The following AAK1 variants were observed in gnomAD, a reference collection of about 807,000 sequenced individuals.
The protein encoded by AAK1 is AP2-associated protein kinase 1.
In AAK1, 37 loss-of-function variants were observed where a neutral mutation model predicts 116.0. That is an observed-to-expected ratio of 0.32 (90% confidence interval 0.25 to 0.42). The LOEUF (loss-of-function observed/expected upper bound fraction) is 0.42, where lower values mean the gene tolerates loss of function less well. AAK1 is among the 10% of genes least tolerant of loss of function. The pLI is 1.00. For synonymous variants in AAK1, 458 were observed against 439.9 expected, an observed-to-expected ratio of 1.04 and a Z score of -0.51; for missense variants, 919 against 1,170.6, an observed-to-expected ratio of 0.79 and a Z score of 3.14.
In AAK1 at chr2:69,465,919, G is replaced by A; in HGVS notation, c.*9950C>T. 2 of 1,290,872 alleles carry A rather than the reference G, an allele frequency of 1.5e-6. No homozygotes were observed. The highest frequency in any genetic ancestry group is 2.0e-6 in the Non-Finnish European group (2 of 988,864). The allele number at this position is 1,290,872 out of a possible 1,614,324, so 80.0% of individuals were successfully genotyped here. A position where few individuals can be genotyped will look rare whatever the true frequency, so the allele number is the denominator to read the frequency against. On this transcript the variant is annotated 3_prime_UTR_variant, in exon 22 of 22. Coordinates refer to ENST00000409085, the MANE Select transcript of AAK1 (RefSeq NM_014911.5). Reference sequence around the variant, plus strand: ...CCTGTCTGACTGAGGAGACCGGTCTGTGCAGGCAGCTCCTGGGAGGTGCAT... The same window carrying A: ...CCTGTCTGACTGAGGAGACCGGTCTATGCAGGCAGCTCCTGGGAGGTGCAT...
intron 18 of AAK1, 85 bp from the exon 19 acceptor site, chr2:69,481,046 C>A (rs1385755894): frequency 2.6e-6 from 3 of 1,150,388 alleles, no homozygotes; most frequent in Non-Finnish European, 3.6e-6. Flanking sequence ...AAGCTTTCTT[C>A]TTTTTTTTTA....
At position 69,466,363 on chromosome 2, in the gene AAK1, C is replaced by T. The variant is rs1206867361; in HGVS notation, c.*9506G>A. ...CCTTCAAGGTCAGTCCCTTCCTCTT[C>T]GCTGCTGTGGAATGAGCTGTTGCTT... On this transcript the variant is annotated 3_prime_UTR_variant, in exon 22 of 22. Transcript: ENST00000409085. 1.6e-5 allele frequency: 21 copies of T among 1,289,806 alleles called. 1 individual carries two copies. In the East Asian group the frequency reaches 2.8e-4, roughly 17 times the overall value. The allele number at this position is 1,289,806 out of a possible 1,614,324, so 79.9% of individuals were successfully genotyped here.
intron 2 of AAK1, among the ~76,000 whole-genome samples, chr2:69,579,869 AT>A (rs1390628572): frequency 6.6e-6 from 1 of 152,174 alleles, no homozygotes; most frequent in Non-Finnish European, 1.5e-5. Flanking sequence ...AGACCCATAT[AT>A]TTGACTTTCT....
chr2:69,600,351 GA>G (rs200951978), intron 2 of AAK1, among the ~76,000 whole-genome samples: 9 of 148,198 alleles, frequency 6.1e-5, no homozygotes, highest in East Asian at 2.0e-4. Flanking sequence ...AAGGAAAAAG[GA>G]AAAAAAAATC....
In AAK1 at chr2:69,471,120, G is replaced by T. The variant is rs1162245524; in HGVS notation, c.*4749C>A. 1.0e-6 allele frequency: 1 copy of T among 985,612 alleles called. No homozygotes were observed. Among genetic ancestry groups the T allele is most frequent in the Non-Finnish European group, 1.2e-6 (1 of 829,936 alleles). The allele number at this position is 985,612 out of a possible 1,614,324, so 61.1% of individuals were successfully genotyped here. ...ACCTATGATAAACACACATCCACAT[G>T]ACAAAGGAGAGTGCAATAGGGCAGA... On this transcript the variant is annotated 3_prime_UTR_variant, in exon 22 of 22. Coordinates refer to ENST00000409085, the MANE Select transcript of AAK1 (RefSeq NM_014911.5).
intron 2 of AAK1, among the ~76,000 whole-genome samples, chr2:69,608,260 C>T (rs1030022736): frequency 6.6e-6 from 1 of 152,252 alleles, no homozygotes; most frequent in African/African-American, 2.4e-5. Context: ...CTTGAGCAGA[C>T]ATTCACCCAC....
intron 13 of AAK1, among the ~76,000 whole-genome samples, chr2:69,512,308 T>C (rs1442845074): frequency 6.6e-6 from 1 of 152,196 alleles, no homozygotes; most frequent in African/African-American, 2.4e-5. Flanking sequence ...ATACAATCCT[T>C]ATCTTTTTGG....
intron 2 of AAK1, among the ~76,000 whole-genome samples, chr2:69,624,281 C>T (rs1002029162): frequency 2.2e-4 from 34 of 152,130 alleles, no homozygotes; most frequent in African/African-American, 3.4e-4. Flanking sequence ...AAAAAAAATT[C>T]GTTGCAGCTG....
chr2:69,476,861 TC>T lies in AAK1; in HGVS notation c.2791+18del, dbSNP rs1454117308. 6.3e-7 allele frequency: 1 copy of T among 1,586,300 alleles called. No individual in the cohort carries two copies. Among genetic ancestry groups the T allele is most frequent in the Non-Finnish European group, 8.6e-7 (1 of 1,156,882 alleles). On this transcript the variant is annotated intron_variant, in intron 21 of 21. Coordinates refer to ENST00000409085, the MANE Select transcript of AAK1 (RefSeq NM_014911.5). ...GAACTGAGGCCAAGCTCTTCTCTTT[TC>T]CCCATCCTTTTTCTTACCTTGTGGG...
chr2:69,560,850 A>G (rs1019601699), intron 2 of AAK1, among the ~76,000 whole-genome samples: 7 of 152,242 alleles, frequency 4.6e-5, no homozygotes, highest in African/African-American at 1.7e-4. Flanking sequence ...GCATTCAATA[A>G]TGAACTAACT....
chr2:69,623,771 G>C (rs1461970726), intron 2 of AAK1, among the ~76,000 whole-genome samples: 1 of 151,608 alleles, frequency 6.6e-6, no homozygotes, highest in Non-Finnish European at 1.5e-5. Context: ...TCCAAGGATG[G>C]CTGCCAACAA....
At chr2:69,570,930 A>G (rs535867723) in intron 2 of AAK1, among the ~76,000 whole-genome samples, 1 of 150,530 alleles carries the variant, frequency 6.6e-6, no homozygotes, top group East Asian at 2.0e-4. Flanking sequence ...CCCCTCTTTA[A>G]CTGGTAAACT....
chr2:69,582,021 G>C (rs1188920717), intron 2 of AAK1, among the ~76,000 whole-genome samples: 1 of 151,708 alleles, frequency 6.6e-6, no homozygotes, highest in Non-Finnish European at 1.5e-5. Flanking sequence ...TCAGTGTCGT[G>C]TGAAAAATAT....
chr2:69,482,378 C>G (rs537967983), intron 18 of AAK1: 113 of 517,514 alleles, frequency 2.2e-4, no homozygotes, highest in African/African-American at 2.1e-3. Flanking sequence ...AAAGAAGAAT[C>G]TGCTAAATTT....
chr2:69,630,953 A>G (rs13384649), intron 2 of AAK1, among the ~76,000 whole-genome samples: 17,645 of 152,206 alleles, frequency 0.12, 2,305 homozygotes, highest in African/African-American at 0.3. Context: ...AACAGCAGAG[A>G]ACAAAGGCCT....
At position 69,591,565 on chromosome 2, in the gene AAK1, G is replaced by C. The variant is rs1223744362; in HGVS notation, c.164-34587C>G. ...AGAGGGAGTCTCGCTCTGTCTCCCA[G>C]GCTGGAGTGCAGTGGCGTGATCTCG... On this transcript the variant is annotated intron_variant, in intron 2 of 21. Transcript: ENST00000409085. Among the ~76,000 whole-genome samples, 9 of 128,838 alleles carry C rather than the reference G, an allele frequency of 7.0e-5. No individual in the cohort carries two copies. The South Asian group carries it at 1.5e-3, about 21-fold the overall frequency. 84.5% of individuals were successfully genotyped at this position (128,838 alleles called of 152,430 possible). A position where few individuals can be genotyped will look rare whatever the true frequency, so the allele number is the denominator to read the frequency against.
chr2:69,598,208 T>C, intron 2 of AAK1: 1 of 686,352 alleles, frequency 1.5e-6, no homozygotes, highest in Non-Finnish European at 2.1e-6. Context: ...CATCGATATT[T>C]GAAATTTAGT....
intron 3 of AAK1, among the ~76,000 whole-genome samples, chr2:69,547,208 T>A (rs1670963910): frequency 1.3e-5 from 2 of 152,290 alleles, no homozygotes; most frequent in South Asian, 4.1e-4. Flanking sequence ...GATGAGGCAA[T>A]GGGTTCTTAG....
At chr2:69,511,551 G>A (rs968742438) in intron 13 of AAK1, among the ~76,000 whole-genome samples, 1 of 152,266 alleles carries the variant, frequency 6.6e-6, no homozygotes, top group African/African-American at 2.4e-5. Context: ...ACCACACATA[G>A]GGGTCAGAGG....
Sources: allele counts gnomAD v4.1 joint callset (sites outside exome capture counted in the v4.1 genomes callset), GRCh38; gene constraint gnomAD v4.1.1; transcripts MANE v1.5; gene names NCBI Gene and HGNC (gene_info 2026-07-23, HGNC 2026-07-21).